Variants in TMEM117 observed in about 807,000 individuals in gnomAD.
TMEM117 encodes transmembrane protein 117.
A neutral mutation model predicts 52.4 loss-of-function variants in TMEM117; 27 were observed. The ratio of observed to expected loss-of-function variants is 0.51; its 90% CI spans 0.38 to 0.71. The LOEUF is 0.71. TMEM117 is among the 30% of genes least tolerant of loss of function. The pLI is 0.00. For missense variants in TMEM117, 556 were observed against 630.5 expected, an observed-to-expected ratio of 0.88 and a Z score of 1.26; for synonymous variants, 215 against 206.3, an observed-to-expected ratio of 1.04 and a Z score of -0.36.
intron 4 of TMEM117, among the ~76,000 whole-genome samples, chr12:44,159,423 G>T (rs1358872556): frequency 2.0e-5 from 3 of 151,938 alleles, no homozygotes; most frequent in Non-Finnish European, 2.9e-5. Flanking sequence ...AAAAACTGCA[G>T]ATGGTTTAGT....
intron 4 of TMEM117, among the ~76,000 whole-genome samples, chr12:44,146,871 T>C (rs1473660900): frequency 6.6e-6 from 1 of 152,180 alleles, no homozygotes; most frequent in African/African-American, 2.4e-5. Flanking sequence ...GATTTTTCTT[T>C]TATGGAAATA....
chr12:43,842,422 A>G (rs1408942720), intron 1 of TMEM117, among the ~76,000 whole-genome samples: 2 of 152,196 alleles, frequency 1.3e-5, no homozygotes, highest in Non-Finnish European at 2.9e-5. Flanking sequence ...TCCAGGGCAC[A>G]GTCACTATTT....
At chr12:44,316,646 A>G (rs548744868) in intron 6 of TMEM117, among the ~76,000 whole-genome samples, 4 of 151,868 alleles carry the variant, frequency 2.6e-5, no homozygotes, top group Middle Eastern at 3.4e-3. Flanking sequence ...TACTAGGGAC[A>G]CTCTTTGTAC....
At chr12:44,015,506 A>G (rs1359797438) in intron 3 of TMEM117, among the ~76,000 whole-genome samples, 1 of 152,068 alleles carries the variant, frequency 6.6e-6, no homozygotes, top group Non-Finnish European at 1.5e-5. Flanking sequence ...TTTTTTGTCC[A>G]TGTTGAAATG....
intron 2 of TMEM117, among the ~76,000 whole-genome samples, chr12:43,936,148 T>C (rs1333117590): frequency 1.3e-5 from 2 of 151,746 alleles, no homozygotes; most frequent in Non-Finnish European, 2.9e-5. Context: ...GGCTCTGTGG[T>C]GGATGGATTT....
chr12:44,301,350 A>C (rs1316094261), intron 6 of TMEM117, among the ~76,000 whole-genome samples: 1 of 152,178 alleles, frequency 6.6e-6, no homozygotes. Flanking sequence ...CAGGATTTAC[A>C]TAGGCAGAGT....
At chr12:44,257,999 C>A (rs1950279391) in intron 5 of TMEM117, among the ~76,000 whole-genome samples, 1 of 151,684 alleles carries the variant, frequency 6.6e-6, no homozygotes, top group South Asian at 2.1e-4. Context: ...ATTAGGAAAC[C>A]TGGAGATTAT....
At position 44,138,960 on chromosome 12, in the gene TMEM117, C is replaced by G. The variant is rs567413688; in HGVS notation, c.411-4565C>G. Among the ~76,000 whole-genome samples the G allele has an allele frequency of 3.4e-4, 51 of 152,220 alleles. 1 individual carries two copies. Among genetic ancestry groups the G allele is most frequent in the African/African-American group, 1.2e-3 (50 of 41,532 alleles). On this transcript the variant is annotated intron_variant, in intron 3 of 7. Transcript: ENST00000266534. ...TTTAGTTCCTGGCATTTTGTAGTGA[C>G]AAATTTTCACTTTAATGCCTTAAGA... is the stretch of plus-strand genomic sequence containing the variant.
intron 6 of TMEM117, among the ~76,000 whole-genome samples, chr12:44,376,197 A>C (rs1003256624): frequency 6.6e-6 from 1 of 152,202 alleles, no homozygotes; most frequent in Non-Finnish European, 1.5e-5. Flanking sequence ...AAAACATGCT[A>C]TAAGGTTCAT....
At position 43,844,761 on chromosome 12, in the gene TMEM117, A is replaced by C; in HGVS notation, c.110A>C (p.His37Pro). The change falls in exon 2 of 8, where the codon CAT becomes CCT. Residue 37 changes from histidine (H) to proline (P), a missense_variant. His to Pro is a moderately conservative substitution (Grantham distance 77, BLOSUM62 -2). Coordinates refer to ENST00000266534, the MANE Select transcript of TMEM117 (RefSeq NM_032256.3). ...FLIFAEDPVS[H>P]SQTEANVIVV... is the part of the protein sequence containing the mutation. ...ATATTTGCGGAGGACCCAGTTTCTC[A>C]TAGCCAAACAGAAGCCAATGTTATT... is the stretch of plus-strand genomic sequence containing the variant. The C allele has an allele frequency of 6.2e-7, 1 of 1,614,206 alleles. No homozygotes were observed. The highest frequency in any genetic ancestry group is 8.5e-7 in the Non-Finnish European group (1 of 1,180,022).
chr12:43,919,170 C>G (rs1944652768), intron 2 of TMEM117, among the ~76,000 whole-genome samples: 1 of 152,180 alleles, frequency 6.6e-6, no homozygotes, highest in South Asian at 2.1e-4. Context: ...AGTATACCCT[C>G]TTTAACAAAT....
chr12:44,182,283 A>G (rs1949212640), intron 4 of TMEM117, among the ~76,000 whole-genome samples: 1 of 152,146 alleles, frequency 6.6e-6, no homozygotes, highest in Admixed American at 6.5e-5. Flanking sequence ...CTAGATATAC[A>G]ATCATGTCAT....
At chr12:44,131,407 A>G (rs532763666) in intron 3 of TMEM117, among the ~76,000 whole-genome samples, 7 of 152,190 alleles carry the variant, frequency 4.6e-5, no homozygotes, top group African/African-American at 1.7e-4. Context: ...GGCCCTGCTG[A>G]TGATCAATAT....
the TMEM117 span, among the ~76,000 whole-genome samples, chr12:43,826,009 T>C: frequency 6.6e-6 from 1 of 152,248 alleles, no homozygotes; most frequent in Non-Finnish European, 1.5e-5. Flanking sequence ...TCCAAATGTA[T>C]TATTTTCCTC....
the TMEM117 span, chr12:43,802,577 A>C: frequency 1.2e-6 from 1 of 800,476 alleles, no homozygotes. Context: ...TATTATTCAC[A>C]TCAAAAAGTT....
chr12:44,388,518 C>T lies in TMEM117; in HGVS notation c.1391C>T (p.Pro464Leu). The change falls in exon 8 of 8, where the codon CCT (proline) becomes CTT (leucine). Residue 464 changes from proline (P) to leucine (L), a missense_variant. By Grantham distance (98) the Pro-to-Leu change is moderately conservative. This residue lies in a region of TMEM117 where 206 missense variants were observed against 211.1 expected (regional missense o/e 0.98). Transcript: ENST00000266534. ...TCAGTAGAAGACCCCTTGAATGACCCTTCTTTGGTTTGCATCAGGTCTGAC... is the reference window on the plus strand; with the variant it reads ...TCAGTAGAAGACCCCTTGAATGACCTTTCTTTGGTTTGCATCAGGTCTGAC... ...QASVEDPLNDPSLVCIRSDFN... is the reference protein window; with the variant it reads ...QASVEDPLNDLSLVCIRSDFN... 2 of 1,613,558 alleles carry T rather than the reference C, an allele frequency of 1.2e-6. No homozygotes were observed. Among genetic ancestry groups the T allele is most frequent in the Non-Finnish European group, 8.5e-7 (1 of 1,179,650 alleles).
intron 3 of TMEM117, among the ~76,000 whole-genome samples, chr12:44,004,843 A>AT (rs1338924759): frequency 6.6e-6 from 1 of 152,166 alleles, no homozygotes; most frequent in Non-Finnish European, 1.5e-5. Flanking sequence ...GGACATCAGT[A>AT]TATTGTTTCA....
chr12:43,813,238 T>G, the TMEM117 span, among the ~76,000 whole-genome samples: 39 of 119,284 alleles, frequency 3.3e-4, no homozygotes, highest in Admixed American at 9.9e-4. Context: ...CTTGTTTTTT[T>G]TTTTTTTTTT....
At chr12:43,861,704 A>T (rs971182574) in intron 2 of TMEM117, among the ~76,000 whole-genome samples, 2 of 152,254 alleles carry the variant, frequency 1.3e-5, no homozygotes, top group African/African-American at 4.8e-5. Flanking sequence ...AAAGGGTAGT[A>T]AAAGAGACGT....
Sources: gnomAD v4.1 joint callset for allele counts (sites outside exome capture counted in the v4.1 genomes callset) on GRCh38, gnomAD v4.1.1 for gene constraint, gnomAD v4.1.1 regional missense constraint, MANE v1.5 for transcripts, NCBI Gene and HGNC (gene_info 2026-07-23, HGNC 2026-07-21) for gene names.